Variants in CCNB1IP1 observed in about 807,000 individuals in gnomAD.
CCNB1IP1 encodes the protein cyclin B1 interacting protein 1, also known as E3 ubiquitin-protein ligase CCNB1IP1.
In CCNB1IP1, 14 loss-of-function variants were observed where a neutral mutation model predicts 25.6. The ratio of observed to expected loss-of-function variants is 0.55; its 90% confidence interval spans 0.36 to 0.85. The LOEUF (loss-of-function observed/expected upper bound fraction) is 0.85, where lower values mean the gene tolerates loss of function less well. CCNB1IP1 is among the 40% of genes least tolerant of loss of function. The pLI is 0.01. For synonymous variants in CCNB1IP1, 119 were observed against 116.1 expected (o/e 1.02, Z -0.16); for missense variants, 278 against 342.4 (o/e 0.81, Z 1.48).
At chr14:20,328,778 T>C (rs1883154825) in intron 2 of CCNB1IP1, among the ~76,000 whole-genome samples, 1 of 152,200 alleles carries the variant, frequency 6.6e-6, no homozygotes, top group Non-Finnish European at 1.5e-5. Context: ...ATGTGATACC[T>C]TTCCCAATGT....
chr14:20,323,756 A>G lies in CCNB1IP1; in HGVS notation c.-38+1783T>C, dbSNP rs137932574. Among the ~76,000 whole-genome samples, 329 of 151,882 alleles carry G rather than the reference A, an allele frequency of 2.2e-3. 1 individual carries two copies. The highest frequency in any genetic ancestry group is 7.7e-3 in the African/African-American group (317 of 41,420). Reference sequence around the variant, plus strand: ...ACGGTGAAACCCCGTCTCTACTAAAAATACAAAAAAAATTAGCCAGGCGTG... The same window carrying G: ...ACGGTGAAACCCCGTCTCTACTAAAGATACAAAAAAAATTAGCCAGGCGTG... On this transcript the variant is annotated intron_variant, in intron 4 of 6. Coordinates refer to ENST00000358932, the MANE Select transcript of CCNB1IP1 (RefSeq NM_021178.5).
intron 1 of CCNB1IP1, among the ~76,000 whole-genome samples, chr14:20,331,458 C>T (rs1883231977): frequency 6.6e-6 from 1 of 152,294 alleles, no homozygotes; most frequent in South Asian, 2.1e-4. Flanking sequence ...CTAATCACCA[C>T]CGTGTACAAA....
intron 4 of CCNB1IP1, among the ~76,000 whole-genome samples, chr14:20,318,788 G>A (rs1882800203): frequency 6.6e-6 from 1 of 152,016 alleles, no homozygotes; most frequent in Non-Finnish European, 1.5e-5. Context: ...TTCCAGATAG[G>A]GTCTCACTCT....
At chr14:20,327,084 C>CA (rs150894080) in intron 2 of CCNB1IP1, among the ~76,000 whole-genome samples, 2 of 151,178 alleles carry the variant, frequency 1.3e-5, no homozygotes, top group Non-Finnish European at 3.0e-5. Context: ...TCGAACAAAA[C>CA]AAAAAAAATT....
At chr14:20,313,835 T>C in intron 5 of CCNB1IP1, 34 bp from the exon 6 acceptor site, 2 of 1,458,498 alleles carry the variant, frequency 1.4e-6, no homozygotes, top group South Asian at 1.4e-5. Flanking sequence ...TTTAAGGTAT[T>C]GGGTACAAAG....
At chr14:20,327,003 G>C (rs999580773) in intron 2 of CCNB1IP1, among the ~76,000 whole-genome samples, 1 of 151,988 alleles carries the variant, frequency 6.6e-6, no homozygotes, top group Non-Finnish European at 1.5e-5. Flanking sequence ...GCAGGATCAG[G>C]AGTTCAAGGT....
At chr14:20,315,985 T>C in intron 5 of CCNB1IP1, 1 of 493,254 alleles carries the variant, frequency 2.0e-6, no homozygotes, top group Non-Finnish European at 3.6e-6. Flanking sequence ...TGTGTGAGTG[T>C]GTGTGTGTGT....
In CCNB1IP1 at chr14:20,316,214, A is replaced by C. The variant is rs371200534; in HGVS notation, c.297+13T>G. On this transcript the variant is annotated intron_variant, in intron 5 of 6. Coordinates refer to ENST00000358932, the MANE Select transcript of CCNB1IP1 (RefSeq NM_021178.5). ...AAATCACATGCTCAAGAGAAACTAG[A>C]CTAAGCACTAACCTGATATGTCCAG... 9.6e-5 allele frequency: 154 copies of C among 1,603,144 alleles called. 1 individual carries two copies. The African/African-American group carries it at 1.7e-3, about 18-fold the overall frequency.
At chr14:20,315,793 A>G (rs908004697) in intron 5 of CCNB1IP1, 22 of 1,262,778 alleles carry the variant, frequency 1.7e-5, no homozygotes, top group Non-Finnish European at 2.3e-5. Flanking sequence ...AGTGAAGCAC[A>G]GGCTACTCAG....
At chr14:20,313,897 T>C in intron 5 of CCNB1IP1, 96 bp from the exon 6 acceptor site, 2 of 879,366 alleles carry the variant, frequency 2.3e-6, no homozygotes, top group Non-Finnish European at 3.3e-6. Context: ...AAGATGCTTA[T>C]ATAGGGATGT....
intron 4 of CCNB1IP1, among the ~76,000 whole-genome samples, chr14:20,319,912 G>C (rs1030710178): frequency 1.2e-4 from 19 of 152,196 alleles, no homozygotes; most frequent in Admixed American, 1.2e-3. Context: ...CACATGTCAA[G>C]TTGTTTTACT....
chr14:20,316,851 C>T (rs988596063), intron 4 of CCNB1IP1, among the ~76,000 whole-genome samples: 11 of 152,150 alleles, frequency 7.2e-5, no homozygotes, highest in African/African-American at 2.4e-4. Flanking sequence ...CTCAAGCGTA[C>T]AATCCCAGCA....
intron 5 of CCNB1IP1, 80 bp from the exon 6 acceptor site, chr14:20,313,881 AAAAG>A (rs746497506): frequency 9.1e-6 from 10 of 1,094,886 alleles, no homozygotes; most frequent in Admixed American, 2.8e-5. Flanking sequence ...ACACAAAAGG[AAAAG>A]AAAGATGCTT....
chr14:20,325,430 A>G (rs1238225080), intron 4 of CCNB1IP1, 109 bp downstream of exon 4: 2 of 151,786 alleles, frequency 1.3e-5, no homozygotes, highest in Non-Finnish European at 2.9e-5. Context: ...CAAAAAAAAA[A>G]AAAAAGTGAA....
chr14:20,317,963 C>T (rs1237982219), intron 4 of CCNB1IP1: 1 of 152,242 alleles, frequency 6.6e-6, no homozygotes, highest in Non-Finnish European at 1.5e-5. Context: ...GAGTTGCGGG[C>T]CGCAGCTCCG....
intron 4 of CCNB1IP1, chr14:20,317,645 C>T (rs1053778374): frequency 1.3e-5 from 2 of 152,220 alleles, no homozygotes; most frequent in Non-Finnish European, 1.5e-5. Context: ...GAATCTTCCA[C>T]CAGCTGGGAG....
At chr14:20,322,725 C>T (rs369954381) in intron 4 of CCNB1IP1, among the ~76,000 whole-genome samples, 5 of 151,486 alleles carry the variant, frequency 3.3e-5, no homozygotes, top group East Asian at 1.9e-4. Flanking sequence ...CGGGTTCAAG[C>T]GATTCTGTTG....
In CCNB1IP1 at chr14:20,330,105, A is replaced by T. The variant is rs1207215146; in HGVS notation, c.-430-732T>A. On this transcript the variant is annotated intron_variant, in intron 1 of 6. Transcript: ENST00000358932. ...AAATTTCACACTTTTCCACAGCCAT[A>T]AAAAAAAAAAAAACAAAAAACATGT... 9.7e-5 allele frequency among the ~76,000 whole-genome samples: 7 copies of T among 72,036 alleles called. No homozygotes were observed. In the East Asian group the frequency reaches 1.4e-3, roughly 15 times the overall value. 47.3% of individuals were successfully genotyped at this position (72,036 alleles called of 152,430 possible).
chr14:20,325,390 C>T (rs1219386112), intron 4 of CCNB1IP1, 149 bp downstream of exon 4: 1 of 146,958 alleles, frequency 6.8e-6, no homozygotes, highest in Non-Finnish European at 1.5e-5. Flanking sequence ...CACTGCACTC[C>T]AGCCTGGGCG....
Sources: allele counts gnomAD v4.1 joint callset (sites outside exome capture counted in the v4.1 genomes callset), GRCh38; gene constraint gnomAD v4.1.1; transcripts MANE v1.5; gene names NCBI Gene and HGNC (gene_info 2026-07-23, HGNC 2026-07-21).